Variants in WWP1 observed in about 807,000 individuals in gnomAD.
WWP1 encodes the protein WW domain containing E3 ubiquitin protein ligase 1.
In WWP1, 49 loss-of-function variants were observed where a neutral mutation model predicts 130.6. The ratio of observed to expected loss-of-function variants is 0.38; its 90% CI spans 0.30 to 0.48. The LOEUF (loss-of-function observed/expected upper bound fraction) is 0.48, where lower values mean the gene tolerates loss of function less well. WWP1 is among the 20% of genes least tolerant of loss of function. The pLI, the probability that WWP1 is intolerant of heterozygous loss-of-function variation, is 0.99. For synonymous variants in WWP1, 332 were observed against 367.8 expected (o/e 0.90, Z 1.11); for missense variants, 809 against 1,100.6 (o/e 0.74, Z 3.75).
chr8:86,446,323 T>A (rs1810877449), intron 18 of WWP1, among the ~76,000 whole-genome samples: 1 of 152,152 alleles, frequency 6.6e-6, no homozygotes, highest in African/African-American at 2.4e-5. Flanking sequence ...TGTTTATGCT[T>A]GCCCAGTTTT....
chr8:86,446,968 G>A (rs1195213718), intron 18 of WWP1, among the ~76,000 whole-genome samples: 1 of 152,164 alleles, frequency 6.6e-6, no homozygotes, highest in African/African-American at 2.4e-5. Flanking sequence ...TGTGAAATAG[G>A]AAGTAAGATC....
chr8:86,459,318 G>A (rs1245232105), intron 22 of WWP1, among the ~76,000 whole-genome samples: 1 of 152,086 alleles, frequency 6.6e-6, no homozygotes, highest in African/African-American at 2.4e-5. Flanking sequence ...TTGCAGGTAT[G>A]AGCCACCATG....
At chr8:86,444,593 G>C (rs1810761883) in intron 18 of WWP1, among the ~76,000 whole-genome samples, 2 of 152,194 alleles carry the variant, frequency 1.3e-5, no homozygotes, top group Admixed American at 6.5e-5. Context: ...AAGGGAAGAA[G>C]AAAGTGTGTT....
At chr8:86,357,011 T>G (rs1201872865) in intron 1 of WWP1, among the ~76,000 whole-genome samples, 2 of 152,212 alleles carry the variant, frequency 1.3e-5, no homozygotes, top group Non-Finnish European at 2.9e-5. Context: ...TAAAATGGTT[T>G]GTATACAAGG....
chr8:86,399,658 TA>T (rs1021644675), intron 7 of WWP1, among the ~76,000 whole-genome samples: 1 of 152,172 alleles, frequency 6.6e-6, no homozygotes, highest in Non-Finnish European at 1.5e-5. Context: ...CCATATAATT[TA>T]AAAAAATTTA....
At chr8:86,404,013 C>T (rs1808143457) in intron 8 of WWP1, among the ~76,000 whole-genome samples, 1 of 152,268 alleles carries the variant, frequency 6.6e-6, no homozygotes, top group South Asian at 2.1e-4. Flanking sequence ...CTAGTTAAAA[C>T]TGCTACTATT....
At chr8:86,451,032 C>T (rs1191405753) in intron 20 of WWP1, among the ~76,000 whole-genome samples, 1 of 150,896 alleles carries the variant, frequency 6.6e-6, no homozygotes, top group Non-Finnish European at 1.5e-5. Flanking sequence ...AGAAACATGG[C>T]AAAACCTCAT....
chr8:86,422,787 T>A (rs927953255), intron 9 of WWP1, among the ~76,000 whole-genome samples: 4 of 151,610 alleles, frequency 2.6e-5, no homozygotes, highest in East Asian at 3.9e-4. Context: ...AGATTGAGAG[T>A]CTTCAAAATA....
intron 5 of WWP1, among the ~76,000 whole-genome samples, chr8:86,390,249 G>A (rs1334910039): frequency 1.3e-5 from 2 of 151,008 alleles, no homozygotes; most frequent in Non-Finnish European, 2.9e-5. Flanking sequence ...CATCCCAGAC[G>A]ACGGGCGGCC....
chr8:86,423,952 CATAA>C (rs1809413849), intron 9 of WWP1, among the ~76,000 whole-genome samples: 1 of 2,794 alleles, frequency 3.6e-4, no homozygotes, highest in Non-Finnish European at 8.5e-4. Flanking sequence ...GGGCTGCCCC[CATAA>C]GCGCTAACTT....
chr8:86,372,437 G>C (rs1187368652), intron 2 of WWP1, among the ~76,000 whole-genome samples: 2 of 152,196 alleles, frequency 1.3e-5, no homozygotes, highest in African/African-American at 2.4e-5. Context: ...TGGGATTACA[G>C]GAGTGAATAT....
chr8:86,466,742 G>A, intron 24 of WWP1, 52 bp from the exon 25 acceptor site: 1 of 1,250,644 alleles, frequency 8.0e-7, no homozygotes, highest in East Asian at 2.4e-5. Context: ...TATTCTATTA[G>A]ATTTTTTTCA....
chr8:86,392,830 G>A (rs1354655435), intron 5 of WWP1, among the ~76,000 whole-genome samples: 2 of 152,182 alleles, frequency 1.3e-5, no homozygotes, highest in Non-Finnish European at 2.9e-5. Context: ...AATGATGTAA[G>A]TGCCTCTTTA....
rs1822279037 is a variant in WWP1 at position 86,342,819 on chromosome 8, C to T, written c.-226C>T. On this transcript the variant is annotated 5_prime_UTR_variant, in exon 1 of 25. Transcript: ENST00000517970. ...GACGCCTGGGTGGCTGCTGCCGCCGCGCCTGCTGCGAGATGGCGATCTTGG... is the reference window on the plus strand; with the variant it reads ...GACGCCTGGGTGGCTGCTGCCGCCGTGCCTGCTGCGAGATGGCGATCTTGG... 7 of 368,862 alleles carry T rather than the reference C, an allele frequency of 1.9e-5. No homozygotes were observed. The highest frequency in any genetic ancestry group is 4.8e-6 in the Non-Finnish European group (1 of 206,850). 22.8% of individuals were successfully genotyped at this position (368,862 alleles called of 1,614,324 possible).
chr8:86,368,074 C>T (rs1460829647), intron 1 of WWP1, among the ~76,000 whole-genome samples: 1 of 152,142 alleles, frequency 6.6e-6, no homozygotes, highest in Admixed American at 6.5e-5. Flanking sequence ...ACTGCATATC[C>T]AAATGAAACT....
At chr8:86,373,572 G>C (rs1181842732) in intron 2 of WWP1, among the ~76,000 whole-genome samples, 1 of 152,118 alleles carries the variant, frequency 6.6e-6, no homozygotes, top group Non-Finnish European at 1.5e-5. Context: ...GCCCAGACTG[G>C]TGGCTTGTTT....
intron 3 of WWP1, among the ~76,000 whole-genome samples, chr8:86,379,816 G>A (rs559794590): frequency 6.6e-6 from 1 of 152,156 alleles, no homozygotes; most frequent in Non-Finnish European, 1.5e-5. Flanking sequence ...ATAGTACCTG[G>A]CAGGGATGTT....
chr8:86,453,971 C>T (rs921546416), intron 21 of WWP1, among the ~76,000 whole-genome samples: 3 of 152,080 alleles, frequency 2.0e-5, no homozygotes, highest in African/African-American at 7.2e-5. Flanking sequence ...TTCATGTAAT[C>T]AAATGTGCAT....
At chr8:86,391,511 G>GA (rs55945339) in intron 5 of WWP1, among the ~76,000 whole-genome samples, 47,573 of 149,794 alleles carry the variant, frequency 0.32, 8,994 homozygotes, top group Middle Eastern at 0.45. Flanking sequence ...AACTACATAG[G>GA]AAAAAAAAAA....
Sources: gnomAD v4.1 joint callset for allele counts (sites outside exome capture counted in the v4.1 genomes callset) on GRCh38, gnomAD v4.1.1 for gene constraint, MANE v1.5 for transcripts, NCBI Gene and HGNC (gene_info 2026-07-23, HGNC 2026-07-21) for gene names.